The following SYNJ1 variants were observed in gnomAD, a reference collection of about 807,000 sequenced individuals.
SYNJ1 encodes the protein synaptojanin 1, also known as polyphosphatidylinositol phosphatase SYNJ1.
In SYNJ1, 78 loss-of-function variants were observed where a neutral mutation model predicts 168.2. The observed-to-expected ratio is 0.46, with a 90% confidence interval of 0.39 to 0.56. The LOEUF (loss-of-function observed/expected upper bound fraction) is 0.56, where lower values mean the gene tolerates loss of function less well. Ranked by LOEUF, SYNJ1 falls within the 20% of genes least tolerant of loss-of-function variation. The pLI is 0.00. For missense variants in SYNJ1, 1,303 were observed against 1,597.6 expected, an observed-to-expected ratio of 0.82 and a Z score of 3.14; for synonymous variants, 539 against 548.6, an observed-to-expected ratio of 0.98 and a Z score of 0.24.
chr21:32,645,655 GA>G lies in SYNJ1; in HGVS notation c.3381del (p.Pro1128ArgfsTer26). The G allele has an allele frequency of 6.5e-7, 1 of 1,532,380 alleles. No individual in the cohort carries two copies. 94.9% of individuals were successfully genotyped at this position (1,532,380 alleles called of 1,614,324 possible). On this transcript the variant is annotated frameshift_variant, in exon 25 of 33. Coordinates refer to ENST00000674351, the MANE Select transcript of SYNJ1 (RefSeq NM_203446.3). LOFTEE classifies it high-confidence loss of function. ...AATAAAAGGTTGTCACCTGAAGGCG[GA>G]GGAGGTCTCTGTGGGGGAGCCGGGC... The part of the protein sequence containing the change: ...PTRPAPPQRP[P>X]PPSGARSPAP...
At chr21:32,705,067 T>C (rs2042558396) in intron 2 of SYNJ1, among the ~76,000 whole-genome samples, 1 of 151,292 alleles carries the variant, frequency 6.6e-6, no homozygotes, top group African/African-American at 2.4e-5. Flanking sequence ...GAGAATCACT[T>C]GAACCTGGGA....
intron 21 of SYNJ1, among the ~76,000 whole-genome samples, chr21:32,655,279 G>A (rs1015625944): frequency 6.6e-6 from 1 of 152,200 alleles, no homozygotes; most frequent in Non-Finnish European, 1.5e-5. Context: ...CACTCACACA[G>A]TCTACATGAT....
chr21:32,712,886 C>T (rs566028222), intron 2 of SYNJ1, among the ~76,000 whole-genome samples: 6 of 151,968 alleles, frequency 3.9e-5, no homozygotes, highest in East Asian at 1.9e-4. Context: ...ATGTTTCAGG[C>T]GACATACGTA....
chr21:32,725,597 T>A (rs983724996), intron 2 of SYNJ1, among the ~76,000 whole-genome samples: 1 of 152,206 alleles, frequency 6.6e-6, no homozygotes, highest in Non-Finnish European at 1.5e-5. Context: ...AATTATACTA[T>A]TTAGTCAAGT....
intron 18 of SYNJ1, among the ~76,000 whole-genome samples, chr21:32,659,838 C>T (rs2040612485): frequency 6.6e-6 from 1 of 152,138 alleles, no homozygotes; most frequent in Non-Finnish European, 1.5e-5. Flanking sequence ...TTCTTGGTTC[C>T]CCGACCGGGA....
intron 9 of SYNJ1, among the ~76,000 whole-genome samples, chr21:32,684,962 G>A (rs1388874353): frequency 6.6e-6 from 1 of 150,896 alleles, no homozygotes; most frequent in East Asian, 2.0e-4. Context: ...GGTGGATCAC[G>A]AGGTCAGGAG....
chr21:32,694,698 A>AT (rs1410652729), intron 5 of SYNJ1, among the ~76,000 whole-genome samples: 2 of 152,124 alleles, frequency 1.3e-5, no homozygotes, highest in Non-Finnish European at 2.9e-5. Flanking sequence ...ATAATTTCTG[A>AT]TTTTTAGATG....
chr21:32,630,397 T>C lies in SYNJ1; in HGVS notation c.*1408A>G, dbSNP rs942527517. ...CAGCCATCTTTTTGGTAATGTGATA[T>C]TGAAAAAGGGACTTTGTTGGAACTT... is the stretch of plus-strand genomic sequence containing the variant. On this transcript the variant is annotated 3_prime_UTR_variant, in exon 33 of 33. Coordinates refer to ENST00000674351, the MANE Select transcript of SYNJ1 (RefSeq NM_203446.3). 4 of 152,304 alleles carry C rather than the reference T, an allele frequency of 2.6e-5. No individual in the cohort carries two copies. The highest frequency in any genetic ancestry group is 4.8e-5 in the African/African-American group (2 of 41,462). 9.4% of individuals were successfully genotyped at this position (152,304 alleles called of 1,614,324 possible).
chr21:32,632,552 A>G (rs1160811599), intron 32 of SYNJ1, among the ~76,000 whole-genome samples: 2 of 152,002 alleles, frequency 1.3e-5, no homozygotes, highest in Admixed American at 6.6e-5. Context: ...GGTCTAGCTA[A>G]TTTTTTGTAT....
intron 21 of SYNJ1, among the ~76,000 whole-genome samples, chr21:32,656,417 C>G (rs368626597): frequency 6.6e-6 from 1 of 152,128 alleles, no homozygotes; most frequent in Non-Finnish European, 1.5e-5. Flanking sequence ...GCATTCCAGC[C>G]TGGGTGACTG....
At chr21:32,719,805 T>C (rs956974146) in intron 2 of SYNJ1, among the ~76,000 whole-genome samples, 102 of 151,206 alleles carry the variant, frequency 6.7e-4, no homozygotes, top group African/African-American at 2.3e-3. Context: ...TGGTTACTTA[T>C]GAAGAAAATA....
Position 32,631,806 on chromosome 21 carries a change from A to G in SYNJ1, c.*4-5T>C. The G allele has an allele frequency of 6.2e-7, 1 of 1,603,024 alleles. No homozygotes were observed. Among genetic ancestry groups the G allele is most frequent in the East Asian group, 2.2e-5 (1 of 44,734 alleles). ...AGAGATTCCATTTGTTTTTACCTGC[A>G]AAAGAAAGGGAGCACTGAAAAATCA... On this transcript the variant is annotated splice_region_variant and splice_polypyrimidine_tract_variant and intron_variant, in intron 32 of 32. Transcript: ENST00000674351.
chr21:32,694,172 T>C (rs906612020), intron 6 of SYNJ1, 56 bp downstream of exon 6: 1 of 1,281,110 alleles, frequency 7.8e-7, no homozygotes, highest in African/African-American at 1.6e-5. Flanking sequence ...TCCAGAAAGT[T>C]TAGAAAATAT....
chr21:32,694,573 T>C (rs1205861609), intron 5 of SYNJ1, among the ~76,000 whole-genome samples: 3 of 152,198 alleles, frequency 2.0e-5, no homozygotes, highest in Admixed American at 1.3e-4. Context: ...ATATTTTACA[T>C]ACATATCTTT....
chr21:32,722,420 T>A (rs2043280453), intron 2 of SYNJ1, among the ~76,000 whole-genome samples: 1 of 151,376 alleles, frequency 6.6e-6, no homozygotes, highest in Non-Finnish European at 1.5e-5. Flanking sequence ...CATGTTGGTG[T>A]GCGCCTGTAG....
chr21:32,638,863 T>A, intron 31 of SYNJ1, 45 bp downstream of exon 31: 1 of 1,521,938 alleles, frequency 6.6e-7, no homozygotes, highest in Non-Finnish European at 8.9e-7. Flanking sequence ...AAAGACTAAA[T>A]CATATGCATC....
chr21:32,719,713 T>TAA (rs971478588), intron 2 of SYNJ1, among the ~76,000 whole-genome samples: 7 of 129,948 alleles, frequency 5.4e-5, no homozygotes, highest in African/African-American at 1.7e-4. Flanking sequence ...AACTCCATCT[T>TAA]AAAAAAAAAA....
In SYNJ1 at chr21:32,678,678, C is replaced by T. The variant is rs748643269; in HGVS notation, c.1477G>A (p.Ala493Thr). The change falls in exon 12 of 33, where the codon GCT (alanine) becomes ACT (threonine). Residue 493 changes from alanine (A) to threonine (T), a missense_variant. By Grantham distance (58) the Ala-to-Thr change is moderately conservative. Coordinates refer to ENST00000674351, the MANE Select transcript of SYNJ1 (RefSeq NM_203446.3). ...CTTCCAGTAGTTAAAAGTGCTCGAG[C>T]TTTGTCAGCTAAATCACTATTCAGA... The part of the protein sequence containing the change: ...NTLNSDLADK[A>T]RALLTTGSLR... The T allele has an allele frequency of 6.2e-6, 10 of 1,610,436 alleles. No homozygotes were observed. In the South Asian group the frequency reaches 8.9e-5, roughly 14 times the overall value.
intron 31 of SYNJ1, among the ~76,000 whole-genome samples, chr21:32,636,851 A>T (rs989661003): frequency 1.3e-5 from 2 of 152,112 alleles, no homozygotes; most frequent in Non-Finnish European, 2.9e-5. Flanking sequence ...GATATCAATG[A>T]CTGAGGCAAA....
Sources: allele counts gnomAD v4.1 joint callset (sites outside exome capture counted in the v4.1 genomes callset), GRCh38; gene constraint gnomAD v4.1.1; transcripts MANE v1.5; gene names NCBI Gene and HGNC (gene_info 2026-07-23, HGNC 2026-07-21).